KCTD16: variants seen among roughly 807,000 people sequenced by gnomAD.
KCTD16 encodes BTB/POZ domain-containing protein KCTD16.
Under a neutral mutation model 33.2 loss-of-function variants are expected in KCTD16, and 13 were observed. The ratio of observed to expected loss-of-function variants is 0.39; its 90% CI spans 0.25 to 0.62. The LOEUF (loss-of-function observed/expected upper bound fraction) is 0.62, where lower values mean the gene tolerates loss of function less well. Among genes scored for constraint, KCTD16 ranks in the 20% least tolerant of loss-of-function variants. The pLI is 0.50. For missense variants in KCTD16, 441 were observed against 525.1 expected (o/e 0.84, Z 1.57); for synonymous variants, 197 against 195.3 (o/e 1.01, Z -0.07).
intron 3 of KCTD16, among the ~76,000 whole-genome samples, chr5:144,280,663 GCCTGTAAT>G (rs913734628): frequency 1.3e-5 from 2 of 152,310 alleles, no homozygotes; most frequent in Admixed American, 1.3e-4. Flanking sequence ...AGTGGCTCAC[GCCTGTAAT>G]CCCAGCACTT....
At chr5:144,328,876 T>A (rs891846355) in intron 3 of KCTD16, among the ~76,000 whole-genome samples, 4 of 151,864 alleles carry the variant, frequency 2.6e-5, no homozygotes, top group Non-Finnish European at 4.4e-5. Context: ...TTTTTTTTTT[T>A]ATCAGCATCT....
chr5:144,186,351 T>TAAA (rs1561522368), intron 2 of KCTD16, among the ~76,000 whole-genome samples: 43 of 121,756 alleles, frequency 3.5e-4, no homozygotes, highest in African/African-American at 6.6e-4. Flanking sequence ...CTCATTTTTT[T>TAAA]TAAAAAAAAA....
intron 3 of KCTD16, among the ~76,000 whole-genome samples, chr5:144,328,821 CCTG>C (rs1752277998): frequency 6.6e-6 from 1 of 151,620 alleles, no homozygotes; most frequent in Non-Finnish European, 1.5e-5. Flanking sequence ...CTCTCATTTT[CCTG>C]CATCTTATGG....
At chr5:144,245,271 G>A (rs1217674110) in intron 3 of KCTD16, among the ~76,000 whole-genome samples, 2 of 152,070 alleles carry the variant, frequency 1.3e-5, no homozygotes, top group Non-Finnish European at 2.9e-5. Context: ...ATACAACTGT[G>A]GTAGATACTT....
intron 3 of KCTD16, among the ~76,000 whole-genome samples, chr5:144,268,484 A>G (rs1054503920): frequency 1.3e-5 from 2 of 152,214 alleles, no homozygotes; most frequent in African/African-American, 4.8e-5. Flanking sequence ...TTAGAAAGTA[A>G]CTGCACATGC....
intron 3 of KCTD16, among the ~76,000 whole-genome samples, chr5:144,331,918 A>G (rs1392296743): frequency 1.3e-5 from 2 of 152,190 alleles, no homozygotes; most frequent in Non-Finnish European, 2.9e-5. Context: ...TTTAGGGTTA[A>G]ATAATAATTC....
chr5:144,233,725 A>C (rs1754170764), intron 3 of KCTD16, among the ~76,000 whole-genome samples: 1 of 152,224 alleles, frequency 6.6e-6, no homozygotes, highest in African/African-American at 2.4e-5. Flanking sequence ...ATCCGTAAAC[A>C]GGACAGATAT....
intron 3 of KCTD16, among the ~76,000 whole-genome samples, chr5:144,316,274 C>T (rs1751910389): frequency 6.6e-6 from 1 of 152,072 alleles, no homozygotes; most frequent in South Asian, 2.1e-4. Context: ...GGACTTCTTA[C>T]AGAGGGAAAC....
At chr5:144,384,177 C>T (rs1278989252) in intron 3 of KCTD16, 1 of 152,186 alleles carries the variant, frequency 6.6e-6, no homozygotes, top group East Asian at 1.9e-4. Context: ...TCATGCAGAT[C>T]AGGTAGCAAG....
intron 3 of KCTD16, among the ~76,000 whole-genome samples, chr5:144,307,350 A>G (rs897175330): frequency 4.6e-5 from 7 of 152,148 alleles, no homozygotes; most frequent in Non-Finnish European, 8.8e-5. Context: ...TCATCATTAA[A>G]AGTGTTTCAG....
intron 3 of KCTD16, among the ~76,000 whole-genome samples, chr5:144,447,228 T>C (rs1426963476): frequency 6.6e-6 from 1 of 152,138 alleles, no homozygotes; most frequent in African/African-American, 2.4e-5. Flanking sequence ...TATTCAGCCA[T>C]AGCAAAGAAT....
At chr5:144,298,289 G>T (rs1756103876) in intron 3 of KCTD16, among the ~76,000 whole-genome samples, 1 of 152,156 alleles carries the variant, frequency 6.6e-6, no homozygotes. Flanking sequence ...ACCATCTTGG[G>T]AGCTCTGGGA....
In KCTD16 at chr5:144,206,923, A is replaced by G. The variant is rs752797872; in HGVS notation, c.209A>G (p.Lys70Arg). ...GCTAATGATCTAGCCAAGGACTCCA[A>G]GGGAAGGTTTTTCATTGACAGAGAT... ...DTANDLAKDS[K>R]GRFFIDRDGF... Residue 70 changes from lysine to arginine, a missense_variant, in exon 3 of 4, where the codon AAG (lysine) becomes AGG (arginine). Physicochemically the swap from Lys to Arg is conservative, Grantham distance 26 (BLOSUM62 2). Coordinates refer to ENST00000512467, the MANE Select transcript of KCTD16 (RefSeq NM_020768.4). The G allele has an allele frequency of 2.5e-6, 4 of 1,614,162 alleles. No individual in the cohort carries two copies. In the South Asian group the frequency reaches 4.4e-5, roughly 18 times the overall value.
chr5:144,305,242 A>T (rs1751568932), intron 3 of KCTD16, among the ~76,000 whole-genome samples: 1 of 151,984 alleles, frequency 6.6e-6, no homozygotes. Flanking sequence ...GTAGGGTGGG[A>T]GTTACTTGGT....
chr5:144,461,625 T>G (rs1754197271), intron 3 of KCTD16, among the ~76,000 whole-genome samples: 1 of 152,208 alleles, frequency 6.6e-6, no homozygotes, highest in Non-Finnish European at 1.5e-5. Flanking sequence ...ATCTCCACTC[T>G]TTCTAGACAC....
intron 3 of KCTD16, among the ~76,000 whole-genome samples, chr5:144,373,201 C>T (rs1175430420): frequency 2.0e-5 from 3 of 152,048 alleles, no homozygotes; most frequent in Non-Finnish European, 4.4e-5. Context: ...GATGGAGGCT[C>T]ATATGTTAAA....
At chr5:144,363,937 G>C (rs1751774564) in intron 3 of KCTD16, among the ~76,000 whole-genome samples, 1 of 152,148 alleles carries the variant, frequency 6.6e-6, no homozygotes, top group Admixed American at 6.5e-5. Context: ...GGATAATGCA[G>C]GTTGATGGGC....
At chr5:144,350,688 A>T in intron 3 of KCTD16, among the ~76,000 whole-genome samples, 1 of 151,988 alleles carries the variant, frequency 6.6e-6, no homozygotes, top group East Asian at 1.9e-4. Context: ...AGAAAAGAAA[A>T]CTTTTTTTCG....
At chr5:144,199,594 C>G (rs1363205860) in intron 2 of KCTD16, among the ~76,000 whole-genome samples, 1 of 151,530 alleles carries the variant, frequency 6.6e-6, no homozygotes, top group African/African-American at 2.4e-5. Flanking sequence ...GTTGGTTAGG[C>G]TTCATGCTGA....
Sources: gnomAD v4.1 joint callset for allele counts (sites outside exome capture counted in the v4.1 genomes callset) on GRCh38, gnomAD v4.1.1 for gene constraint, MANE v1.5 for transcripts, NCBI Gene and HGNC (gene_info 2026-07-23, HGNC 2026-07-21) for gene names.